The following PANK4 variants were observed in gnomAD, a reference collection of about 807,000 sequenced individuals.
The protein encoded by PANK4 is pantothenate kinase 4 (inactive), also known as 4'-phosphopantetheine phosphatase.
PANK4 carries 40 observed loss-of-function variants against 87.9 expected under a neutral mutation model. That is an observed-to-expected ratio of 0.46 (90% confidence interval 0.35 to 0.59). PANK4 has a LOEUF of 0.59. PANK4 is among the 20% of genes least tolerant of loss of function. The pLI is 0.00. For synonymous variants in PANK4, 524 were observed against 467.4 expected (o/e 1.12, Z -1.56); for missense variants, 926 against 1,072.3 (o/e 0.86, Z 1.90).
In PANK4 at chr1:2,515,005, C is replaced by T. The variant is rs867704982; in HGVS notation, c.1375-539G>A. Among the ~76,000 whole-genome samples the T allele has an allele frequency of 6.6e-6, 1 of 152,176 alleles. No homozygotes were observed. The highest frequency in any genetic ancestry group is 6.5e-5 in the Admixed American group (1 of 15,282). On this transcript the variant is annotated intron_variant, in intron 10 of 18. Coordinates refer to ENST00000378466, the MANE Select transcript of PANK4 (RefSeq NM_018216.4). The surrounding 1 kb of genome is among the most constrained non-coding windows in gnomAD (Gnocchi z 5.0). ...GCTGGGACTCCTCCCTCAGGACAAACCCTGGCACGACCCGGCCTCTCCGAG... is the reference window on the plus strand; with the variant it reads ...GCTGGGACTCCTCCCTCAGGACAAATCCTGGCACGACCCGGCCTCTCCGAG...
In PANK4 at chr1:2,519,032, C is replaced by T; in HGVS notation, c.1035+111G>A. 9.6e-7 allele frequency: 1 copy of T among 1,044,796 alleles called. No homozygotes were observed. Among genetic ancestry groups the T allele is most frequent in the Non-Finnish European group, 1.4e-6 (1 of 708,652 alleles). The allele number at this position is 1,044,796 out of a possible 1,614,324, so 64.7% of individuals were successfully genotyped here. A position where few individuals can be genotyped will look rare whatever the true frequency, so the allele number is the denominator to read the frequency against. Reference sequence around the variant, plus strand: ...AGGGAGGGGTGCTGGGCTTCTTGGCCCCCACCCTCCAGGCCTCCCTGGGGG... The same window carrying T: ...AGGGAGGGGTGCTGGGCTTCTTGGCTCCCACCCTCCAGGCCTCCCTGGGGG... On this transcript the variant is annotated intron_variant, in intron 7 of 18. Transcript: ENST00000378466. This position sits in a 1 kb window ranked among gnomAD's most constrained non-coding sequence, Gnocchi z 8.3.
intron 9 of PANK4, among the ~76,000 whole-genome samples, chr1:2,516,675 G>A (rs1352591565): frequency 1.3e-5 from 2 of 152,120 alleles, no homozygotes; most frequent in Admixed American, 6.5e-5. Context: ...CAAAGGGGAC[G>A]CCTTCCAGGT....
chr1:2,512,514 T>G (rs536520517), intron 13 of PANK4: 94 of 215,266 alleles, frequency 4.4e-4, no homozygotes, highest in African/African-American at 2.1e-3. Flanking sequence ...TCTAGGGGAC[T>G]GCTTTGCAAA....
chr1:2,523,009 C>A (rs115520188), intron 1 of PANK4, among the ~76,000 whole-genome samples: 1,782 of 134,196 alleles, frequency 0.013, 28 homozygotes, highest in South Asian at 0.038. Context: ...TAACACAGTG[C>A]ATTTCTTACA....
chr1:2,513,126 C>G, intron 12 of PANK4, 87 bp from the exon 13 acceptor site: 1 of 1,418,618 alleles, frequency 7.0e-7, no homozygotes, highest in South Asian at 1.3e-5. Context: ...TGTTCCATAC[C>G]ACGCCCCTCA....
intron 9 of PANK4, among the ~76,000 whole-genome samples, chr1:2,517,644 G>A (rs1643805914): frequency 6.6e-6 from 1 of 152,198 alleles, no homozygotes; most frequent in East Asian, 1.9e-4. Context: ...GCGTCTCCTA[G>A]CCCGCCAGTG....
At chr1:2,517,983 A>G (rs1557443307) in intron 9 of PANK4, among the ~76,000 whole-genome samples, 181 bp downstream of exon 9, 2 of 152,236 alleles carry the variant, frequency 1.3e-5, no homozygotes, top group Non-Finnish European at 2.9e-5. Context: ...GAGATGGGAA[A>G]GCAAGCCACA....
rs987680185 is a variant in PANK4, at chr1:2,519,104, G to A, written c.1035+39C>T. The A allele has an allele frequency of 3.2e-6, 5 of 1,571,174 alleles. No homozygotes were observed. Among genetic ancestry groups the A allele is most frequent in the Admixed American group, 1.7e-5 (1 of 58,740 alleles). ...TGACTGATTGGGAAGATCCTGGGGG[G>A]TCTGCGTTAGAGGCTGGGGAGGGCG... On this transcript the variant is annotated intron_variant, in intron 7 of 18. Transcript: ENST00000378466. The surrounding 1 kb of genome is among the most constrained non-coding windows in gnomAD (Gnocchi z 8.3).
At position 2,508,731 on chromosome 1, in the gene PANK4, T is replaced by C; in HGVS notation, c.*116A>G. 2 of 674,052 alleles carry C rather than the reference T, an allele frequency of 3.0e-6. No individual in the cohort carries two copies. Among genetic ancestry groups the C allele is most frequent in the South Asian group, 3.6e-5 (2 of 55,346 alleles). The allele number at this position is 674,052 out of a possible 1,614,324, so 41.8% of individuals were successfully genotyped here. On this transcript the variant is annotated 3_prime_UTR_variant, in exon 19 of 19. Coordinates refer to ENST00000378466, the MANE Select transcript of PANK4 (RefSeq NM_018216.4). The surrounding 1 kb of genome is among the most constrained non-coding windows in gnomAD (Gnocchi z 5.1). Reference sequence around the variant, plus strand: ...CACGCATCTGTGCGGCTGGGGTGTATGTGCCGCGTCACAGCAGTACCATAT... The same window carrying C: ...CACGCATCTGTGCGGCTGGGGTGTACGTGCCGCGTCACAGCAGTACCATAT...
chr1:2,512,570 A>G (rs1356696020), intron 13 of PANK4: 3 of 394,050 alleles, frequency 7.6e-6, no homozygotes, highest in Non-Finnish European at 9.1e-6. Flanking sequence ...CCTACCACAC[A>G]TAGGAAACAT....
In PANK4 at chr1:2,526,420, C is replaced by T. The variant is rs749718882; in HGVS notation, c.124+44G>A. 399 of 1,092,586 alleles carry T rather than the reference C, an allele frequency of 3.7e-4. 1 individual carries two copies. Among genetic ancestry groups the T allele is most frequent in the East Asian group, 6.8e-5 (1 of 14,660 alleles). 67.7% of individuals were successfully genotyped at this position (1,092,586 alleles called of 1,614,324 possible). On this transcript the variant is annotated intron_variant, in intron 1 of 18. Coordinates refer to ENST00000378466, the MANE Select transcript of PANK4 (RefSeq NM_018216.4). ...GCTCGCCGGCCCACCGCCGGCGCCC[C>T]GCCCGCCCCCGCAGCCCGCGCCCGG... is the stretch of plus-strand genomic sequence containing the variant.
intron 9 of PANK4, among the ~76,000 whole-genome samples, chr1:2,516,236 G>A (rs1194053080): frequency 3.9e-5 from 6 of 152,166 alleles, no homozygotes; most frequent in South Asian, 2.1e-4. Context: ...GTGCCGGGCA[G>A]GGAGTCCCCA....
Position 2,520,078 on chromosome 1 carries a change from G to C in PANK4, c.700-124C>G. 2 of 984,080 alleles carry C rather than the reference G, an allele frequency of 2.0e-6. No homozygotes were observed. Among genetic ancestry groups the C allele is most frequent in the Non-Finnish European group, 2.9e-6 (2 of 679,958 alleles). 61.0% of individuals were successfully genotyped at this position (984,080 alleles called of 1,614,324 possible). On this transcript the variant is annotated intron_variant, in intron 5 of 18. Transcript: ENST00000378466. This position sits in a 1 kb window ranked among gnomAD's most constrained non-coding sequence, Gnocchi z 6.2. ...GGGGTAAATGGGCCCTCATCGCGTG[G>C]GACCAAAGGCAGGAGGCGGCAAGCG...
intron 13 of PANK4, 136 bp downstream of exon 13, chr1:2,512,752 C>T (rs1385826838): frequency 3.6e-6 from 3 of 839,580 alleles, no homozygotes; most frequent in Non-Finnish European, 5.8e-6. Context: ...CTCCCTGGGC[C>T]CCAAAGCCCT....
chr1:2,511,474 G>T (rs148179521), intron 14 of PANK4, 87 bp from the exon 15 acceptor site: 1 of 1,197,606 alleles, frequency 8.3e-7, no homozygotes, highest in East Asian at 2.3e-5. Context: ...GTCTCTCCAG[G>T]AAGCAAGTTC....
intron 1 of PANK4, chr1:2,526,140 C>T (rs1314840836): frequency 6.6e-6 from 1 of 152,370 alleles, no homozygotes. Flanking sequence ...ACCCTCCCAC[C>T]TCGCGGCGGG....
chr1:2,512,854 C>A (rs770807926), intron 13 of PANK4, 34 bp downstream of exon 13: 22 of 1,609,012 alleles, frequency 1.4e-5, no homozygotes, highest in Non-Finnish European at 1.8e-5. Flanking sequence ...CACCCACAGG[C>A]TGCAGAGCCT....
Position 2,515,179 on chromosome 1 carries a change from G to T in PANK4, c.1374+383C>A, listed in dbSNP as rs1172154261. 2.5e-6 allele frequency: 1 copy of T among 403,354 alleles called. No individual in the cohort carries two copies. The highest frequency in any genetic ancestry group is 4.9e-6 in the Non-Finnish European group (1 of 202,636). 25.0% of individuals were successfully genotyped at this position (403,354 alleles called of 1,614,324 possible). ...GACGCAGGAGTCCCAAGGTGGCCTC[G>T]CCGGGAGCTTGCTGGGGCTGAGTCT... On this transcript the variant is annotated intron_variant, in intron 10 of 18. Coordinates refer to ENST00000378466, the MANE Select transcript of PANK4 (RefSeq NM_018216.4). The surrounding 1 kb of genome is among the most constrained non-coding windows in gnomAD (Gnocchi z 5.0).
At chr1:2,521,065 A>G (rs1643870988) in intron 3 of PANK4, 36 bp downstream of exon 3, 3 of 1,580,628 alleles carry the variant, frequency 1.9e-6, no homozygotes, top group South Asian at 1.1e-5. Flanking sequence ...GGGGGCAGAC[A>G]CATGTTCCTT....
Sources: allele counts gnomAD v4.1 joint callset (sites outside exome capture counted in the v4.1 genomes callset), GRCh38; gene constraint gnomAD v4.1.1; non-coding constraint Gnocchi (gnomAD v3.1); transcripts MANE v1.5; gene names NCBI Gene and HGNC (gene_info 2026-07-23, HGNC 2026-07-21).